Variants in FANCA observed in about 807,000 individuals in gnomAD.
The protein encoded by FANCA is FA complementation group A.
FANCA carries 236 observed loss-of-function variants against 194.3 expected under a neutral mutation model. The ratio of observed to expected loss-of-function variants is 1.21; its 90% CI spans 1.09 to 1.35. FANCA has a LOEUF of 1.35. Among genes scored for constraint, FANCA ranks in the 40% most tolerant of loss-of-function variants. The pLI is 0.00. For missense variants in FANCA, 2,628 were observed against 1,813.9 expected (o/e 1.45, Z -8.15); for synonymous variants, 1,014 against 715.8 (o/e 1.42, Z -6.65).
chr16:89,791,945 C>T lies in FANCA; in HGVS notation c.1207G>A (p.Ala403Thr), dbSNP rs2143529674. Residue 403 changes from alanine (A) to threonine (T), a missense_variant, in exon 13 of 43, where the codon GCG becomes ACG. Transcript: ENST00000389301. ...VSALVVCFPE[A>T]QQLLEDWVAR... ...AGCTCACCTTCAAGCAGCTGCTGCG[C>T]TTCTGGAAAGCAGACAACCAGGGCA... 1.2e-6 allele frequency: 2 copies of T among 1,614,184 alleles called. No homozygotes were observed. Among genetic ancestry groups the T allele is most frequent in the South Asian group, 1.1e-5 (1 of 91,082 alleles).
At chr16:89,815,335 C>CTTTTTTTT (rs562815235) in intron 2 of FANCA, among the ~76,000 whole-genome samples, 1 of 66,538 alleles carries the variant, frequency 1.5e-5, no homozygotes, top group Non-Finnish European at 2.9e-5. Flanking sequence ...CCACGCCCGG[C>CTTTTTTTT]TTTTTTTTTT....
chr16:89,739,885 T>TA (rs1454762616), intron 39 of FANCA, 109 bp downstream of exon 39: 1 of 1,563,530 alleles, frequency 6.4e-7, no homozygotes, highest in Non-Finnish European at 8.7e-7. Flanking sequence ...ATGGAGCTTA[T>TA]AAACTTACTT....
intron 14 of FANCA, 54 bp downstream of exon 14, chr16:89,791,349 C>T: frequency 6.2e-7 from 1 of 1,601,634 alleles, no homozygotes; most frequent in Non-Finnish European, 8.5e-7. Context: ...GGTCCCCACT[C>T]CCAGGCCTTC....
intron 10 of FANCA, among the ~76,000 whole-genome samples, chr16:89,796,884 C>T (rs969108950): frequency 2.6e-5 from 4 of 152,194 alleles, no homozygotes; most frequent in Middle Eastern, 6.8e-3. Context: ...TTAGGCCAGG[C>T]GCATTGGCTC....
Position 89,738,539 on chromosome 16 carries a change from A to G in FANCA, c.*62T>C. On this transcript the variant is annotated 3_prime_UTR_variant, in exon 43 of 43. Coordinates refer to ENST00000389301, the MANE Select transcript of FANCA (RefSeq NM_000135.4). ...CACTTTTTAGTGCAACAAGAGCTCC[A>G]TGTTATGCTTGTAATAAATTATTTA... 1.9e-6 allele frequency: 3 copies of G among 1,608,038 alleles called. No homozygotes were observed. The highest frequency in any genetic ancestry group is 1.7e-6 in the Non-Finnish European group (2 of 1,176,592).
At chr16:89,791,226 A>C (rs2040065154) in intron 14 of FANCA, 177 bp downstream of exon 14, 1 of 812,096 alleles carries the variant, frequency 1.2e-6, no homozygotes, top group African/African-American at 1.7e-5. Context: ...AGGCCCCGAC[A>C]GGGAGAACCC....
intron 30 of FANCA, among the ~76,000 whole-genome samples, chr16:89,753,685 GA>G (rs1345106398): frequency 6.6e-6 from 1 of 152,148 alleles, no homozygotes; most frequent in Non-Finnish European, 1.5e-5. Flanking sequence ...AGGAAAGACT[GA>G]AAGCTGTTCT....
Position 89,782,869 on chromosome 16 carries a change from TC to T in FANCA, c.1615del (p.Asp539ThrfsTer66), listed in dbSNP as rs778507965. 2.2e-5 allele frequency: 36 copies of T among 1,613,794 alleles called. No individual in the cohort carries two copies. Among genetic ancestry groups the T allele is most frequent in the Non-Finnish European group, 2.8e-5 (33 of 1,179,848 alleles). ...GLYEDLSSAG[D>X]ITEPHSQALQ... ...CTCAAGCAACATTACCTCAGTAATG[TC>T]CCCAGCTGATGACAAATCCTCGTAG... On this transcript the variant is annotated frameshift_variant, in exon 17 of 43. Coordinates refer to ENST00000389301, the MANE Select transcript of FANCA (RefSeq NM_000135.4). LOFTEE classifies it high-confidence loss of function.
intron 14 of FANCA, among the ~76,000 whole-genome samples, chr16:89,785,851 GTGTTT>G (rs890718496): frequency 6.5e-5 from 6 of 91,706 alleles, no homozygotes; most frequent in South Asian, 4.2e-4. Flanking sequence ...GTGCAAAATT[GTGTTT>G]TGTTTTTTTT....
At chr16:89,738,755 C>T in intron 42 of FANCA, 47 bp from the exon 43 acceptor site, 1 of 1,612,630 alleles carries the variant, frequency 6.2e-7, no homozygotes, top group Non-Finnish European at 8.5e-7. Flanking sequence ...CACTAGGCCT[C>T]AGACCACAGG....
At chr16:89,801,151 C>A (rs2040436671) in intron 8 of FANCA, among the ~76,000 whole-genome samples, 1 of 151,908 alleles carries the variant, frequency 6.6e-6, no homozygotes, top group East Asian at 1.9e-4. Context: ...CGAGACCAGC[C>A]TGACCAACAC....
At position 89,810,453 on chromosome 16, in the gene FANCA, G is replaced by C. The variant is rs753721133; in HGVS notation, c.522+254C>G. On this transcript the variant is annotated intron_variant, in intron 5 of 42. Transcript: ENST00000389301. Reference sequence around the variant, plus strand: ...AATTCTCCATACTAATATACCCAAGGCTAAACGTGTTTTTCAATATATTCT... The same window carrying C: ...AATTCTCCATACTAATATACCCAAGCCTAAACGTGTTTTTCAATATATTCT... 14 of 472,174 alleles carry C rather than the reference G, an allele frequency of 3.0e-5. No individual in the cohort carries two copies. The South Asian group carries it at 3.1e-4, about 10-fold the overall frequency. 29.2% of individuals were successfully genotyped at this position (472,174 alleles called of 1,614,324 possible).
intron 6 of FANCA, among the ~76,000 whole-genome samples, chr16:89,805,762 C>T (rs140936156): frequency 8.4e-6 from 1 of 119,516 alleles, no homozygotes; most frequent in Admixed American, 8.5e-5. Context: ...TCCCTTGTGA[C>T]TTCTTTGACT....
intron 10 of FANCA, among the ~76,000 whole-genome samples, chr16:89,797,503 C>T (rs2040289784): frequency 2.6e-5 from 4 of 152,188 alleles, no homozygotes; most frequent in Admixed American, 2.6e-4. Context: ...TCCTTCCTCA[C>T]AGGGCAGGGC....
chr16:89,753,811 T>C (rs908048541), intron 30 of FANCA, among the ~76,000 whole-genome samples: 1 of 152,112 alleles, frequency 6.6e-6, no homozygotes, highest in African/African-American at 2.4e-5. Context: ...TCCCAGCACT[T>C]TGGGAGGCCG....
At chr16:89,781,288 C>T (rs1598132369) in intron 17 of FANCA, among the ~76,000 whole-genome samples, 2 of 143,556 alleles carry the variant, frequency 1.4e-5, no homozygotes, top group Non-Finnish European at 1.5e-5. Flanking sequence ...GGCATGAACC[C>T]GGAAGGCGGA....
intron 10 of FANCA, chr16:89,798,238 G>A: frequency 1.6e-6 from 1 of 629,808 alleles, no homozygotes; most frequent in Non-Finnish European, 2.0e-6. Flanking sequence ...CAACCCTAGG[G>A]GCACCCTGAC....
chr16:89,808,324 C>T lies in FANCA; in HGVS notation c.566G>A (p.Gly189Asp). The T allele has an allele frequency of 6.2e-7, 1 of 1,614,096 alleles. No homozygotes were observed. Among genetic ancestry groups the T allele is most frequent in the African/African-American group, 1.3e-5 (1 of 75,012 alleles). The change falls in exon 6 of 43, where the codon GGC becomes GAC. Residue 189 changes from glycine (G) to aspartate (D), a missense_variant. Transcript: ENST00000389301. Reference sequence around the variant, plus strand: ...CAGCAGCTCTTGCAGGCTCACAATGCCTTGTACGTGAAGATGCCACACCGC... The same window carrying T: ...CAGCAGCTCTTGCAGGCTCACAATGTCTTGTACGTGAAGATGCCACACCGC... ...LEAVWHLHVQ[G>D]IVSLQELLES...
At position 89,782,918 on chromosome 16, in the gene FANCA, C is replaced by T; in HGVS notation, c.1567G>A (p.Val523Ile). 1 of 1,614,032 alleles carries T rather than the reference C, an allele frequency of 6.2e-7. No individual in the cohort carries two copies. The highest frequency in any genetic ancestry group is 1.3e-5 in the African/African-American group (1 of 75,052). Residue 523 changes from valine to isoleucine, a missense_variant and splice_region_variant, in exon 17 of 43, where the codon GTT (valine) becomes ATT (isoleucine). Transcript: ENST00000389301. ...LAKTRLADLK[V>I]SIENMGLYED... ...TAGAGTCCCATGTTTTCTATAGAAA[C>T]CTTCAGGGAAGACACAGAATGAGAA...
Sources: allele counts gnomAD v4.1 joint callset (sites outside exome capture counted in the v4.1 genomes callset), GRCh38; gene constraint gnomAD v4.1.1; transcripts MANE v1.5; gene names NCBI Gene and HGNC (gene_info 2026-07-23, HGNC 2026-07-21).